SPOCK1: variants seen among roughly 807,000 people sequenced by gnomAD.
SPOCK1 encodes SPARC (osteonectin), cwcv and kazal like domains proteoglycan 1, also known as testican-1.
A neutral mutation model predicts 55.3 loss-of-function variants in SPOCK1; 23 were observed. That is an observed-to-expected ratio of 0.42 (90% CI 0.30 to 0.59). SPOCK1 has a LOEUF of 0.59. Ranked by LOEUF, SPOCK1 falls within the 20% of genes least tolerant of loss-of-function variation. SPOCK1 has a pLI of 0.22. For synonymous variants in SPOCK1, 226 were observed against 221.0 expected, an observed-to-expected ratio of 1.02 and a Z score of -0.20; for missense variants, 499 against 552.5, an observed-to-expected ratio of 0.90 and a Z score of 0.97.
At chr5:137,347,859 G>T (rs1021513751) in intron 2 of SPOCK1, among the ~76,000 whole-genome samples, 1 of 152,196 alleles carries the variant, frequency 6.6e-6, no homozygotes, top group Non-Finnish European at 1.5e-5. Context: ...CCCTACACGT[G>T]CCCTTCCTGA....
intron 3 of SPOCK1, among the ~76,000 whole-genome samples, chr5:137,193,960 C>T (rs895556495): frequency 4.6e-5 from 7 of 152,168 alleles, no homozygotes; most frequent in South Asian, 4.1e-4. Context: ...TGAGAGATGA[C>T]GTGGCAATCA....
At chr5:137,299,288 T>C (rs938653880) in intron 2 of SPOCK1, among the ~76,000 whole-genome samples, 15 of 152,116 alleles carry the variant, frequency 9.9e-5, no homozygotes, top group African/African-American at 3.4e-4. Flanking sequence ...ATTGCTGATG[T>C]TCATATATAT....
chr5:137,491,292 G>A (rs985509039), intron 2 of SPOCK1, among the ~76,000 whole-genome samples: 5 of 152,218 alleles, frequency 3.3e-5, no homozygotes, highest in African/African-American at 4.8e-5. Flanking sequence ...CTGGAATTGC[G>A]AGGGGGGTTG....
At chr5:137,329,464 C>G (rs946376966) in intron 2 of SPOCK1, among the ~76,000 whole-genome samples, 13 of 152,230 alleles carry the variant, frequency 8.5e-5, no homozygotes, top group Admixed American at 1.3e-4. Flanking sequence ...AATACAGATG[C>G]CTTGCATCAC....
intron 2 of SPOCK1, among the ~76,000 whole-genome samples, chr5:137,490,592 G>T (rs1448340187): frequency 5.3e-5 from 8 of 152,156 alleles, no homozygotes; most frequent in Non-Finnish European, 1.5e-5. Context: ...ACCTCTTGAG[G>T]TGAGCTGGAG....
intron 3 of SPOCK1, among the ~76,000 whole-genome samples, chr5:137,143,109 C>T (rs7705445): frequency 0.85 from 128,654 of 152,060 alleles, 54,593 homozygotes; most frequent in Middle Eastern, 0.9. Context: ...CTCAAGAAAC[C>T]TGGGGACTAG....
At chr5:137,441,623 C>A (rs896757945) in intron 2 of SPOCK1, among the ~76,000 whole-genome samples, 3 of 152,164 alleles carry the variant, frequency 2.0e-5, no homozygotes, top group African/African-American at 4.8e-5. Flanking sequence ...TTTGGAGGCT[C>A]TGACCCTTGG....
intron 2 of SPOCK1, among the ~76,000 whole-genome samples, chr5:137,300,549 C>G (rs1267092206): frequency 1.3e-5 from 2 of 152,112 alleles, no homozygotes; most frequent in Non-Finnish European, 2.9e-5. Flanking sequence ...ACTCCAAGTC[C>G]AAACTGTCTC....
At chr5:137,292,538 A>C (rs1757393758) in intron 2 of SPOCK1, among the ~76,000 whole-genome samples, 2 of 148,428 alleles carry the variant, frequency 1.3e-5, no homozygotes, top group African/African-American at 2.5e-5. Flanking sequence ...GAAAAGATGG[A>C]GTCACCCATC....
chr5:137,434,159 G>A lies in SPOCK1; in HGVS notation c.186+64214C>T, dbSNP rs559200842. Among the ~76,000 whole-genome samples the A allele has an allele frequency of 1.4e-4, 21 of 152,298 alleles. No individual in the cohort carries two copies. In the South Asian group the frequency reaches 4.1e-3, roughly 30 times the overall value. On this transcript the variant is annotated intron_variant, in intron 2 of 10. Coordinates refer to ENST00000394945, the MANE Select transcript of SPOCK1 (RefSeq NM_004598.4). The stretch of plus-strand genomic sequence containing the variant: ...GAAGAAATGGCAAAGTTGCTGAACC[G>A]AACACTGGTTTTTAAAAGCAGTTCG...
intron 2 of SPOCK1, among the ~76,000 whole-genome samples, chr5:137,337,016 C>G (rs1056029819): frequency 2.0e-5 from 3 of 152,176 alleles, no homozygotes; most frequent in African/African-American, 7.2e-5. Flanking sequence ...ACACTGTCTC[C>G]CTTACTAACC....
At chr5:137,022,131 A>C (rs1283609835) in intron 6 of SPOCK1, among the ~76,000 whole-genome samples, 1 of 152,118 alleles carries the variant, frequency 6.6e-6, no homozygotes, top group Non-Finnish European at 1.5e-5. Context: ...AGCCTAGGTC[A>C]TTAAAGGTGA....
intron 4 of SPOCK1, among the ~76,000 whole-genome samples, chr5:137,112,827 T>C (rs1267679867): frequency 5.4e-4 from 81 of 148,820 alleles, no homozygotes; most frequent in African/African-American, 1.8e-3. Flanking sequence ...CATGGGAAGA[T>C]TTTTACAACA....
At chr5:137,319,922 G>A (rs574788406) in intron 2 of SPOCK1, among the ~76,000 whole-genome samples, 207 of 136,324 alleles carry the variant, frequency 1.5e-3, no homozygotes, top group African/African-American at 5.3e-3. Flanking sequence ...TCCGCAGTCC[G>A]GCCTGGGCGA....
At chr5:137,278,115 C>T (rs2127123498) in intron 2 of SPOCK1, among the ~76,000 whole-genome samples, 2 of 152,284 alleles carry the variant, frequency 1.3e-5, no homozygotes, top group Middle Eastern at 3.4e-3. Context: ...TCCTCCTAGC[C>T]CTGCCATTCA....
At chr5:137,387,316 GA>G (rs1337639810) in intron 2 of SPOCK1, among the ~76,000 whole-genome samples, 2 of 152,228 alleles carry the variant, frequency 1.3e-5, no homozygotes, top group Non-Finnish European at 2.9e-5. Flanking sequence ...CAAAGGAATT[GA>G]AAATGTATAT....
rs1750692545 is a variant in SPOCK1, at chr5:136,979,759, T to C, written c.992-290A>G. ...CCTAAATCGTGCTTACATATGTATG[T>C]GTATATATACATACATTTGCAGAAT... is the stretch of plus-strand genomic sequence containing the variant. On this transcript the variant is annotated intron_variant, in intron 9 of 10. Transcript: ENST00000394945. Among the ~76,000 whole-genome samples, 5 of 152,328 alleles carry C rather than the reference T, an allele frequency of 3.3e-5. No homozygotes were observed. In the South Asian group the frequency reaches 8.3e-4, roughly 25 times the overall value.
At chr5:137,090,991 A>G (rs1753043753) in intron 5 of SPOCK1, among the ~76,000 whole-genome samples, 2 of 152,280 alleles carry the variant, frequency 1.3e-5, no homozygotes, top group South Asian at 4.1e-4. Flanking sequence ...CCCAGGAAAA[A>G]AAGGTAGCAC....
At chr5:137,251,234 C>T (rs879866260) in intron 3 of SPOCK1, among the ~76,000 whole-genome samples, 21 of 152,326 alleles carry the variant, frequency 1.4e-4, no homozygotes, top group Admixed American at 1.4e-3. Context: ...AAAGTCCTCA[C>T]CCCTCCTCAT....
Sources: allele counts gnomAD v4.1 joint callset (sites outside exome capture counted in the v4.1 genomes callset), GRCh38; gene constraint gnomAD v4.1.1; transcripts MANE v1.5; gene names NCBI Gene and HGNC (gene_info 2026-07-23, HGNC 2026-07-21).